The following KRT32 variants were observed in gnomAD, a reference collection of about 807,000 sequenced individuals.
KRT32 encodes the protein keratin 32.
Under a neutral mutation model 41.8 loss-of-function variants are expected in KRT32, and 44 were observed. That is an observed-to-expected ratio of 1.05 (90% CI 0.83 to 1.35). The LOEUF (loss-of-function observed/expected upper bound fraction) is 1.35, where lower values mean the gene tolerates loss of function less well. Among genes scored for constraint, KRT32 ranks in the 40% most tolerant of loss-of-function variants. The pLI, the probability that KRT32 is intolerant of heterozygous loss-of-function variation, is 0.00. For missense variants in KRT32, 576 were observed against 584.6 expected (o/e 0.99, Z 0.15); for synonymous variants, 238 against 242.5 (o/e 0.98, Z 0.17).
chr17:41,463,686 A>C (rs2019032028), intron 5 of KRT32, among the ~76,000 whole-genome samples: 1 of 149,110 alleles, frequency 6.7e-6, no homozygotes, highest in Non-Finnish European at 1.5e-5. Flanking sequence ...CAGCCTGGGC[A>C]ACAGAGTGAG....
At chr17:41,465,951 A>C (rs373349636) in intron 2 of KRT32, 22 bp from the exon 3 acceptor site, 617 of 1,607,688 alleles carry the variant, frequency 3.8e-4, no homozygotes, top group Admixed American at 7.9e-4. Context: ...CAGGGTCAGC[A>C]ACCAAGGGTG....
chr17:41,466,273 A>C, intron 1 of KRT32, 97 bp from the exon 2 acceptor site: 1 of 930,342 alleles, frequency 1.1e-6, no homozygotes, highest in South Asian at 1.4e-5. Flanking sequence ...AGGATCCAGC[A>C]GCCCTGCAGC....
chr17:41,464,282 C>G lies in KRT32; in HGVS notation c.870G>C (p.Gln290His), dbSNP rs761238628. 3.8e-6 allele frequency: 6 copies of G among 1,595,524 alleles called. No individual in the cohort carries two copies. The Admixed American group carries it at 1.0e-4, about 28-fold the overall frequency. The change falls in exon 4 of 7, where the codon CAG becomes CAC. Residue 290 changes from glutamine to histidine, a missense_variant and splice_region_variant. Physicochemically the swap from Gln to His is conservative, Grantham distance 24 (BLOSUM62 0). Coordinates refer to ENST00000225899, the MANE Select transcript of KRT32 (RefSeq NM_002278.3). ...GCCATCCCCACCGTGAGAGGCCCAC[C>G]TGCATATTGAACCATTCCTCCACGT... ...RRDVEEWFNM[Q>H]MEELNQQVAT...
Position 41,460,220 on chromosome 17 carries a change from A to C in KRT32, c.1237T>G (p.Ser413Ala). ...EDCKLPCNPC[S>A]TPSCTTCVPS... ...ACACAGGTGGTGCAGGAAGGAGTGG[A>C]GCATGGGTTACAGGGCAGCCTGCAG... The change falls in exon 7 of 7, where the codon TCC (serine) becomes GCC (alanine). Residue 413 changes from serine (S) to alanine (A), a missense_variant. Coordinates refer to ENST00000225899, the MANE Select transcript of KRT32 (RefSeq NM_002278.3). The C allele has an allele frequency of 1.2e-6, 2 of 1,605,274 alleles. No individual in the cohort carries two copies. The highest frequency in any genetic ancestry group is 1.7e-6 in the Non-Finnish European group (2 of 1,175,788).
In KRT32 at chr17:41,462,755, G is replaced by A. The variant is rs564831493; in HGVS notation, c.1217+75C>T. On this transcript the variant is annotated intron_variant, in intron 6 of 6. Transcript: ENST00000225899. ...GTTCTAAGCTGATGGTCCCTCAAGG[G>A]TAGATCCAGTTGCTTCCTATAACCT... 2.5e-4 allele frequency: 375 copies of A among 1,500,618 alleles called. 3 individuals carry two copies. The Middle Eastern group carries it at 3.8e-3, about 15-fold the overall frequency. 93.0% of individuals were successfully genotyped at this position (1,500,618 alleles called of 1,614,324 possible). A position where few individuals can be genotyped will look rare whatever the true frequency, so the allele number is the denominator to read the frequency against.
intron 1 of KRT32, 54 bp from the exon 2 acceptor site, chr17:41,466,230 G>T: frequency 1.4e-6 from 2 of 1,453,534 alleles, no homozygotes. Context: ...GAAGCAAGAA[G>T]AACCCAAATG....
intron 6 of KRT32, among the ~76,000 whole-genome samples, chr17:41,462,078 C>T (rs1311742691): frequency 6.6e-6 from 1 of 152,176 alleles, no homozygotes; most frequent in Non-Finnish European, 1.5e-5. Context: ...CAGCTTTGAG[C>T]TTGAGAGACA....
intron 5 of KRT32, among the ~76,000 whole-genome samples, chr17:41,463,700 C>T (rs574503995): frequency 9.4e-6 from 1 of 105,974 alleles, no homozygotes; most frequent in Non-Finnish European, 2.1e-5. Context: ...GAGTGAGACT[C>T]CATCTCAAAA....
rs201500915 is a variant in KRT32 at position 41,463,011 on chromosome 17, G to A, written c.1036C>T (p.Arg346Cys). 1.5e-5 allele frequency: 25 copies of A among 1,613,956 alleles called. No homozygotes were observed. The highest frequency in any genetic ancestry group is 3.3e-5 in the South Asian group (3 of 91,078). ...ATCTGGGCCAGCTGGGAGCTGTAGC[G>A]GGCCTCACTCTCCGTCAGCGTGTTT... Reference protein sequence around the residue: ...LENTLTESEARYSSQLAQMQC... With the variant: ...LENTLTESEACYSSQLAQMQC... The change falls in exon 6 of 7, where the codon CGC becomes TGC. Residue 346 changes from arginine to cysteine, a missense_variant. Physicochemically the swap from Arg to Cys is radical, Grantham distance 180. Transcript: ENST00000225899.
rs903160944 is a variant in KRT32 at position 41,466,156 on chromosome 17, C to T, written c.489G>A (p.Glu163=). 6 of 1,613,994 alleles carry T rather than the reference C, an allele frequency of 3.7e-6. No homozygotes were observed. In the Middle Eastern group the frequency reaches 8.2e-4, roughly 221 times the overall value. Residue 163 remains glutamate (E), a synonymous_variant, in exon 2 of 7, where the codon GAG becomes GAA. Transcript: ENST00000225899. Reference sequence around the variant, plus strand: ...CAATGTTCACAACCATCCTGGCATTCTCTGCCTTGGTACACAGAATCTGTA... The same window carrying T: ...CAATGTTCACAACCATCCTGGCATTTTCTGCCTTGGTACACAGAATCTGTA... ...LQQKILCTKA[E]NARMVVNIDN... is the part of the protein sequence containing the mutation.
intron 2 of KRT32, 69 bp downstream of exon 2, chr17:41,466,025 T>C: frequency 1.2e-6 from 2 of 1,601,940 alleles, no homozygotes; most frequent in East Asian, 4.5e-5. Flanking sequence ...TCCGTGAAAC[T>C]AATGGAAAGT....
At chr17:41,465,631 G>T in intron 3 of KRT32, 142 bp downstream of exon 3, 1 of 742,770 alleles carries the variant, frequency 1.3e-6, no homozygotes, top group Non-Finnish European at 2.2e-6. Context: ...AGGAGGCTCA[G>T]GAAGATTCCA....
intron 3 of KRT32, among the ~76,000 whole-genome samples, chr17:41,465,061 C>A (rs567987806): frequency 6.6e-6 from 1 of 151,196 alleles, no homozygotes; most frequent in African/African-American, 2.5e-5. Context: ...AATCCCAAGT[C>A]AAGAGGTTGA....
Position 41,465,772 on chromosome 17 carries a change from C to T in KRT32, c.708+1G>A, listed in dbSNP as rs2019059426. On this transcript the variant is annotated splice_donor_variant, in intron 3 of 6. Transcript: ENST00000225899. LOFTEE classifies it high-confidence loss of function. ...CACTTCAGCGGGACTTCCAGCCTCA[C>T]CTCCTCATGGTTCTTTTTGAGGCAC... 6.2e-7 allele frequency: 1 copy of T among 1,608,308 alleles called. No homozygotes were observed. The highest frequency in any genetic ancestry group is 8.5e-7 in the Non-Finnish European group (1 of 1,176,806).
chr17:41,463,086 G>T (rs906958560), intron 5 of KRT32, 36 bp from the exon 6 acceptor site: 2 of 1,574,544 alleles, frequency 1.3e-6, no homozygotes, highest in African/African-American at 2.7e-5. Flanking sequence ...GAGGAAGGGA[G>T]CTGTTTACCA....
intron 5 of KRT32, among the ~76,000 whole-genome samples, chr17:41,463,317 C>A (rs1837890400): frequency 6.6e-6 from 1 of 152,348 alleles, no homozygotes; most frequent in South Asian, 2.1e-4. Flanking sequence ...AGGATTGGAT[C>A]TGAGATTTCC....
At position 41,463,052 on chromosome 17, in the gene KRT32, T is replaced by C. The variant is rs749055044; in HGVS notation, c.997-2A>G. ...CAGCGTGTTTTCCAGGGAGTCCCTC[T>C]AAGGCAAAGGAAGACATAACCATGA... is the stretch of plus-strand genomic sequence containing the variant. On this transcript the variant is annotated splice_acceptor_variant, in intron 5 of 6. Coordinates refer to ENST00000225899, the MANE Select transcript of KRT32 (RefSeq NM_002278.3). LOFTEE classifies it high-confidence loss of function. The C allele has an allele frequency of 1.3e-5, 21 of 1,609,398 alleles. No individual in the cohort carries two copies. Among genetic ancestry groups the C allele is most frequent in the Non-Finnish European group, 1.8e-5 (21 of 1,176,640 alleles).
At chr17:41,465,697 C>A in intron 3 of KRT32, 76 bp downstream of exon 3, 1 of 1,461,692 alleles carries the variant, frequency 6.8e-7, no homozygotes, top group Non-Finnish European at 9.3e-7. Flanking sequence ...TTTCAACCCA[C>A]GCCTATCCAA....
intron 6 of KRT32, among the ~76,000 whole-genome samples, chr17:41,461,170 T>A (rs1271611701): frequency 6.6e-6 from 1 of 152,180 alleles, no homozygotes; most frequent in Non-Finnish European, 1.5e-5. Context: ...CCATGGTACA[T>A]GTATCTCCTT....
Sources: gnomAD v4.1 joint callset for allele counts (sites outside exome capture counted in the v4.1 genomes callset) on GRCh38, gnomAD v4.1.1 for gene constraint, MANE v1.5 for transcripts, NCBI Gene and HGNC (gene_info 2026-07-23, HGNC 2026-07-21) for gene names.